Variants in SLC2A12 observed in about 807,000 individuals in gnomAD.
The protein encoded by SLC2A12 is solute carrier family 2 member 12.
In SLC2A12, 23 loss-of-function variants were observed where a neutral mutation model predicts 41.8. The ratio of observed to expected loss-of-function variants is 0.55; its 90% CI spans 0.40 to 0.78. SLC2A12 has a LOEUF of 0.78. SLC2A12 is among the 30% of genes least tolerant of loss of function. The pLI, the probability that SLC2A12 is intolerant of heterozygous loss-of-function variation, is 0.00. For missense variants in SLC2A12, 654 were observed against 745.6 expected (o/e 0.88, Z 1.43); for synonymous variants, 295 against 285.9 (o/e 1.03, Z -0.32).
At chr6:133,995,033 A>C (rs1439061112) in intron 4 of SLC2A12, among the ~76,000 whole-genome samples, 3 of 152,216 alleles carry the variant, frequency 2.0e-5, no homozygotes, top group African/African-American at 7.2e-5. Context: ...AAGTAATTTC[A>C]GGAGCGGAGT....
intron 2 of SLC2A12, among the ~76,000 whole-genome samples, chr6:134,024,632 T>C (rs1182298370): frequency 2.0e-5 from 3 of 152,240 alleles, no homozygotes; most frequent in Non-Finnish European, 2.9e-5. Flanking sequence ...TCGTGCATTT[T>C]TACTTATTTC....
At chr6:134,032,466 T>TAAATA (rs1562201745) in intron 1 of SLC2A12, among the ~76,000 whole-genome samples, 5 of 33,196 alleles carry the variant, frequency 1.5e-4, no homozygotes, top group African/African-American at 6.1e-4. Context: ...ATATATATAT[T>TAAATA]TTTATATATA....
Position 134,029,244 on chromosome 6 carries a change from T to C in SLC2A12, c.581A>G (p.His194Arg). The C allele has an allele frequency of 6.2e-7, 1 of 1,614,126 alleles. No individual in the cohort carries two copies. The highest frequency in any genetic ancestry group is 8.5e-7 in the Non-Finnish European group (1 of 1,180,032). Residue 194 changes from histidine to arginine, a missense_variant, in exon 2 of 5, where the codon CAT becomes CGT. Transcript: ENST00000275230. ...ISNYAFANVF[H>R]GWKYMFGLVI... is the part of the protein sequence containing the mutation. ...AAGACCAAACATGTACTTCCAGCCATGGAAAACATTGGCAAATGCGTAATT... is the reference window on the plus strand; with the variant it reads ...AAGACCAAACATGTACTTCCAGCCACGGAAAACATTGGCAAATGCGTAATT...
At chr6:133,999,554 G>A (rs930853231) in intron 4 of SLC2A12, among the ~76,000 whole-genome samples, 6 of 152,140 alleles carry the variant, frequency 3.9e-5, no homozygotes, top group Non-Finnish European at 7.4e-5. Flanking sequence ...CACTACCTTG[G>A]AAAGTTGCCC....
chr6:134,006,250 T>TTCAG (rs1371178752), intron 3 of SLC2A12, among the ~76,000 whole-genome samples: 1 of 141,182 alleles, frequency 7.1e-6, no homozygotes, highest in Non-Finnish European at 1.5e-5. Flanking sequence ...ATCAACAAAA[T>TTCAG]TCAGACTGGA....
At chr6:134,044,821 A>G (rs1416790646) in intron 1 of SLC2A12, among the ~76,000 whole-genome samples, 1 of 151,724 alleles carries the variant, frequency 6.6e-6, no homozygotes, top group Non-Finnish European at 1.5e-5. Flanking sequence ...ATGTATTTGC[A>G]GAAGTAAAAT....
intron 1 of SLC2A12, among the ~76,000 whole-genome samples, chr6:134,048,676 T>C (rs900540377): frequency 6.6e-6 from 1 of 152,226 alleles, no homozygotes; most frequent in Admixed American, 6.5e-5. Context: ...AATACATATG[T>C]TTTTAAAGCA....
intron 4 of SLC2A12, among the ~76,000 whole-genome samples, chr6:133,995,247 G>A (rs1421041884): frequency 6.6e-6 from 1 of 151,870 alleles, no homozygotes; most frequent in African/African-American, 2.4e-5. Flanking sequence ...AATCATAGCA[G>A]GTTTCTGTGC....
intron 1 of SLC2A12, among the ~76,000 whole-genome samples, chr6:134,029,933 G>A (rs749403303): frequency 1.6e-4 from 24 of 152,166 alleles, no homozygotes; most frequent in Non-Finnish European, 2.8e-4. Context: ...TAGGCATGGA[G>A]ACATGTAGGA....
At chr6:134,004,484 T>C (rs942511451) in intron 3 of SLC2A12, among the ~76,000 whole-genome samples, 3 of 152,252 alleles carry the variant, frequency 2.0e-5, no homozygotes, top group Admixed American at 1.3e-4. Flanking sequence ...TGTTTATATA[T>C]ATGCATGCTT....
chr6:134,017,716 T>C (rs1202387001), intron 2 of SLC2A12, among the ~76,000 whole-genome samples: 1 of 151,796 alleles, frequency 6.6e-6, no homozygotes, highest in Admixed American at 6.6e-5. Flanking sequence ...TAGCCAGGCG[T>C]GGTGGCGGGC....
chr6:134,040,058 GTTTTTTT>G (rs11371413), intron 1 of SLC2A12, among the ~76,000 whole-genome samples: 1 of 139,332 alleles, frequency 7.2e-6, no homozygotes, highest in African/African-American at 2.7e-5. Flanking sequence ...GTTGTTTTTT[GTTTTTTT>G]TTTTTTGTTT....
chr6:134,018,599 C>T (rs1776998266), intron 2 of SLC2A12, among the ~76,000 whole-genome samples: 1 of 152,178 alleles, frequency 6.6e-6, no homozygotes, highest in African/African-American at 2.4e-5. Context: ...CCAAATGTTA[C>T]CACCTCAGAA....
chr6:134,028,960 C>T lies in SLC2A12; in HGVS notation c.865G>A (p.Val289Ile). 1 of 1,614,174 alleles carries T rather than the reference C, an allele frequency of 6.2e-7. No individual in the cohort carries two copies. Among genetic ancestry groups the T allele is most frequent in the Non-Finnish European group, 8.5e-7 (1 of 1,180,040 alleles). ...IMIGLTLVFF[V>I]QITGQPNILF... ...ATGTTTGGTTGGCCAGTGATTTGTACAAAAAATACTAGTGTTAGTCCTATC... is the reference window on the plus strand; with the variant it reads ...ATGTTTGGTTGGCCAGTGATTTGTATAAAAAATACTAGTGTTAGTCCTATC... The change falls in exon 2 of 5, where the codon GTA (valine) becomes ATA (isoleucine). Residue 289 changes from valine (V) to isoleucine (I), a missense_variant. Physicochemically the swap from Val to Ile is conservative, Grantham distance 29. Around this residue, in one of 3 missense-constraint regions of SLC2A12, gnomAD observed 411 missense variants for 412.1 expected, o/e 1.00. Coordinates refer to ENST00000275230, the MANE Select transcript of SLC2A12 (RefSeq NM_145176.3).
intron 2 of SLC2A12, among the ~76,000 whole-genome samples, chr6:134,021,513 C>T (rs904690273): frequency 6.6e-6 from 1 of 152,186 alleles, no homozygotes; most frequent in African/African-American, 2.4e-5. Context: ...CACATTGTAA[C>T]TTACATTATA....
intron 1 of SLC2A12, among the ~76,000 whole-genome samples, chr6:134,037,882 A>C (rs12664711): frequency 6.6e-6 from 1 of 152,116 alleles, no homozygotes; most frequent in South Asian, 2.1e-4. Flanking sequence ...GGCATGTCCC[A>C]GGGAGAGTTC....
rs1776603647 is a variant in SLC2A12 at position 133,990,324 on chromosome 6, T to C, written c.*831A>G. Reference sequence around the variant, plus strand: ...GCTTTTCTAGGCTTGACTTAATAACTTCAACCTAATTGCTTAGAGATTTGG... The same window carrying C: ...GCTTTTCTAGGCTTGACTTAATAACCTCAACCTAATTGCTTAGAGATTTGG... On this transcript the variant is annotated 3_prime_UTR_variant, in exon 5 of 5. Transcript: ENST00000275230. The C allele has an allele frequency of 6.6e-6, 1 of 152,638 alleles. No individual in the cohort carries two copies. The highest frequency in any genetic ancestry group is 2.1e-4 in the South Asian group (1 of 4,832). 9.5% of individuals were successfully genotyped at this position (152,638 alleles called of 1,614,324 possible).
At chr6:134,002,505 T>C (rs1776765794) in intron 3 of SLC2A12, among the ~76,000 whole-genome samples, 1 of 152,250 alleles carries the variant, frequency 6.6e-6, no homozygotes. Context: ...ATCTCTCTTC[T>C]CCCTCTCCAC....
chr6:134,026,411 C>T (rs916408187), intron 2 of SLC2A12, among the ~76,000 whole-genome samples: 4 of 151,908 alleles, frequency 2.6e-5, no homozygotes, highest in African/African-American at 4.8e-5. Flanking sequence ...ACCTATATCT[C>T]GTCCTTCTGC....
Sources: gnomAD v4.1 joint callset for allele counts (sites outside exome capture counted in the v4.1 genomes callset) on GRCh38, gnomAD v4.1.1 for gene constraint, gnomAD v4.1.1 regional missense constraint, MANE v1.5 for transcripts, NCBI Gene and HGNC (gene_info 2026-07-23, HGNC 2026-07-21) for gene names.